Variants in DPP9 observed in about 807,000 individuals in gnomAD.
The protein encoded by DPP9 is dipeptidyl peptidase IV-related protein-2.
A neutral mutation model predicts 110.7 loss-of-function variants in DPP9; 50 were observed. The ratio of observed to expected loss-of-function variants is 0.45; its 90% CI spans 0.36 to 0.57. The LOEUF (loss-of-function observed/expected upper bound fraction) is 0.57. DPP9 is among the 20% of genes least tolerant of loss of function. The pLI, the probability that DPP9 is intolerant of heterozygous loss-of-function variation, is 0.00. For synonymous variants in DPP9, 561 were observed against 514.4 expected (o/e 1.09, Z -1.23); for missense variants, 1,022 against 1,217.9 (o/e 0.84, Z 2.39).
At chr19:4,716,093 T>A (rs918616218) in intron 3 of DPP9, 3 of 152,154 alleles carry the variant, frequency 2.0e-5, no homozygotes, top group African/African-American at 7.2e-5. Context: ...CAGCTTGGCT[T>A]GGGGAAGTCG....
chr19:4,704,080 G>T lies in DPP9; in HGVS notation c.601-26C>A. On this transcript the variant is annotated intron_variant, in intron 6 of 21. Coordinates refer to ENST00000262960, the MANE Select transcript of DPP9 (RefSeq NM_139159.5). The surrounding 1 kb of genome is among the most constrained non-coding windows in gnomAD (Gnocchi z 6.0). Reference sequence around the variant, plus strand: ...CTGAGGACAGAGACGCCCAGCTCAGGGGGAGGGGCCCTCCACGCCACCCCC... The same window carrying T: ...CTGAGGACAGAGACGCCCAGCTCAGTGGGAGGGGCCCTCCACGCCACCCCC... 1 of 1,613,678 alleles carries T rather than the reference G, an allele frequency of 6.2e-7. No individual in the cohort carries two copies. Among genetic ancestry groups the T allele is most frequent in the East Asian group, 2.2e-5 (1 of 44,870 alleles).
intron 4 of DPP9, among the ~76,000 whole-genome samples, chr19:4,712,661 T>C (rs953180526): frequency 5.3e-5 from 8 of 152,200 alleles, no homozygotes; most frequent in South Asian, 2.1e-4. Context: ...CAGCCAAAGA[T>C]GTCAGGAAAG....
At position 4,710,781 on chromosome 19, in the gene DPP9, T is replaced by C. The variant is rs2145857163; in HGVS notation, c.313+3300A>G. ...GTGAGCTCAGTGCTGCCCCTGACAG[T>C]GTGAAGTGACAGCCTGGAGTCGTTG... On this transcript the variant is annotated intron_variant, in intron 4 of 21. Transcript: ENST00000262960. The surrounding 1 kb of genome is among the most constrained non-coding windows in gnomAD (Gnocchi z 5.6). Among the ~76,000 whole-genome samples, 1 of 151,868 alleles carries C rather than the reference T, an allele frequency of 6.6e-6. No individual in the cohort carries two copies. The highest frequency in any genetic ancestry group is 1.5e-5 in the Non-Finnish European group (1 of 67,902).
intron 2 of DPP9, among the ~76,000 whole-genome samples, chr19:4,720,221 C>T (rs970247614): frequency 2.6e-5 from 4 of 152,220 alleles, no homozygotes; most frequent in Non-Finnish European, 4.4e-5. Context: ...AGGGACATCA[C>T]ACCAGGGCAC....
chr19:4,705,778 G>A (rs913994152), intron 5 of DPP9, 80 bp downstream of exon 5: 12 of 1,385,794 alleles, frequency 8.7e-6, no homozygotes, highest in Middle Eastern at 2.1e-4. Flanking sequence ...AGAGGTGACC[G>A]AAGGCATGTA....
chr19:4,690,120 T>G (rs2091180159), intron 14 of DPP9, among the ~76,000 whole-genome samples: 1 of 152,226 alleles, frequency 6.6e-6, no homozygotes, highest in East Asian at 1.9e-4. Flanking sequence ...ACCCAGGTGC[T>G]TGGGTTCAGA....
At chr19:4,723,344 G>C (rs2093405748) in intron 1 of DPP9, among the ~76,000 whole-genome samples, 1 of 152,176 alleles carries the variant, frequency 6.6e-6, no homozygotes. Flanking sequence ...CTACGAGGAC[G>C]TTCTTGGGTG....
chr19:4,713,939 G>A (rs1209385514), intron 4 of DPP9, 142 bp downstream of exon 4: 2 of 1,322,020 alleles, frequency 1.5e-6, no homozygotes, highest in Non-Finnish European at 2.0e-6. Context: ...GTCTGTGGCT[G>A]AGCCTCGAAG....
intron 4 of DPP9, among the ~76,000 whole-genome samples, chr19:4,707,640 T>C (rs1259338694): frequency 6.8e-6 from 1 of 146,734 alleles, no homozygotes; most frequent in Non-Finnish European, 1.5e-5. Context: ...TTTTTTTTTT[T>C]TCTGAGACAC....
At chr19:4,678,499 G>A (rs761566171) in intron 21 of DPP9, among the ~76,000 whole-genome samples, 2 of 152,220 alleles carry the variant, frequency 1.3e-5, no homozygotes, top group Non-Finnish European at 2.9e-5. Flanking sequence ...GGAGAAACGA[G>A]GTGCAAGGGT....
intron 21 of DPP9, among the ~76,000 whole-genome samples, chr19:4,678,881 A>G (rs2089314417): frequency 6.6e-6 from 1 of 152,058 alleles, no homozygotes; most frequent in Admixed American, 6.5e-5. Context: ...ACCACGTCCC[A>G]CTGTCCCCCA....
chr19:4,681,422 TCTC>T (rs2089859793), intron 20 of DPP9, among the ~76,000 whole-genome samples: 1 of 151,962 alleles, frequency 6.6e-6, no homozygotes, highest in Non-Finnish European at 1.5e-5. Flanking sequence ...TTCAAGCAAT[TCTC>T]CTGCCTCGGC....
In DPP9 at chr19:4,695,808, CA is replaced by C. The variant is rs932286735; in HGVS notation, c.1176-254del. On this transcript the variant is annotated intron_variant, in intron 11 of 21. Transcript: ENST00000262960. This position sits in a 1 kb window ranked among gnomAD's most constrained non-coding sequence, Gnocchi z 4.7. ...TCCGGAAACAATGGCCTAAGTCTCA[CA>C]GCGGCAAGCTCTAATAGTTTCTCCT... is the stretch of plus-strand genomic sequence containing the variant. 6.6e-6 allele frequency among the ~76,000 whole-genome samples: 1 copy of C among 151,976 alleles called. No individual in the cohort carries two copies. The highest frequency in any genetic ancestry group is 2.4e-5 in the African/African-American group (1 of 41,202).
chr19:4,690,795 A>G (rs1166926398), intron 14 of DPP9, 83 bp downstream of exon 14: 5 of 1,029,354 alleles, frequency 4.9e-6, no homozygotes, highest in Non-Finnish European at 7.4e-6. Flanking sequence ...ATGTGTGTGT[A>G]TGCGCGTGCG....
In DPP9 at chr19:4,718,765, G is replaced by A. The variant is rs1444873022; in HGVS notation, c.56+1086C>T. Among the ~76,000 whole-genome samples, 1 of 152,204 alleles carries A rather than the reference G, an allele frequency of 6.6e-6. No homozygotes were observed. The highest frequency in any genetic ancestry group is 1.5e-5 in the Non-Finnish European group (1 of 68,030). On this transcript the variant is annotated intron_variant, in intron 3 of 21. Transcript: ENST00000262960. The surrounding 1 kb of genome is among the most constrained non-coding windows in gnomAD (Gnocchi z 4.3). The stretch of plus-strand genomic sequence containing the variant: ...ACCCGGTTTTAGAGCCCATGGCTGG[G>A]CCAATCATAGCCCTTCACACCGTCC...
chr19:4,683,922 C>T (rs1369987483), intron 18 of DPP9: 2 of 1,076,798 alleles, frequency 1.9e-6, no homozygotes, highest in Admixed American at 4.8e-5. Flanking sequence ...AGGAAGAGGA[C>T]CCATTTTCTA....
In DPP9 at chr19:4,693,080, C is replaced by A. The variant is rs1285486019; in HGVS notation, c.1516+1581G>T. On this transcript the variant is annotated intron_variant, in intron 13 of 21. Transcript: ENST00000262960. The surrounding 1 kb of genome is among the most constrained non-coding windows in gnomAD (Gnocchi z 5.0). ...CCTTGGCTGCTGTGTGGGCTCTGCC[C>A]CCAGAGGGCACCGGACCACATCTAG... Among the ~76,000 whole-genome samples, 1 of 152,164 alleles carries A rather than the reference C, an allele frequency of 6.6e-6. No homozygotes were observed. The highest frequency in any genetic ancestry group is 1.5e-5 in the Non-Finnish European group (1 of 68,022).
intron 10 of DPP9, 88 bp from the exon 11 acceptor site, chr19:4,697,739 T>A: frequency 9.4e-7 from 1 of 1,064,044 alleles, no homozygotes; most frequent in Non-Finnish European, 1.4e-6. Flanking sequence ...TCCCATCATG[T>A]CCCCCCCAAA....
rs568956828 is a variant in DPP9 at position 4,698,728 on chromosome 19, C to T, written c.1075-1077G>A. On this transcript the variant is annotated intron_variant, in intron 10 of 21. Transcript: ENST00000262960. The surrounding 1 kb of genome is among the most constrained non-coding windows in gnomAD (Gnocchi z 4.2). ...TTGCACCAGTGTACTCCAGCCTAGA[C>T]GACAGTGAGACCCTGTCTCAAAAAA... Among the ~76,000 whole-genome samples the T allele has an allele frequency of 5.9e-5, 9 of 152,130 alleles. No homozygotes were observed. The highest frequency in any genetic ancestry group is 2.1e-4 in the South Asian group (1 of 4,820).
Sources: allele counts gnomAD v4.1 joint callset (sites outside exome capture counted in the v4.1 genomes callset), GRCh38; gene constraint gnomAD v4.1.1; non-coding constraint Gnocchi (gnomAD v3.1); transcripts MANE v1.5; gene names NCBI Gene and HGNC (gene_info 2026-07-23, HGNC 2026-07-21).